Variants in GRM4 observed in about 807,000 individuals in gnomAD.
The protein encoded by GRM4 is glutamate metabotropic receptor 4.
GRM4 carries 28 observed loss-of-function variants against 81.7 expected under a neutral mutation model. The ratio of observed to expected loss-of-function variants is 0.34; its 90% CI spans 0.25 to 0.47. The LOEUF is 0.47. Ranked by LOEUF, GRM4 falls within the 20% of genes least tolerant of loss-of-function variation. GRM4 has a pLI of 1.00. For synonymous variants in GRM4, 488 were observed against 528.8 expected (o/e 0.92, Z 1.06); for missense variants, 948 against 1,290.0 (o/e 0.73, Z 4.06).
At position 34,080,865 on chromosome 6, in the gene GRM4, TAC is replaced by T. The variant is rs746445365; in HGVS notation, c.736+11016_736+11017del. ...ACACACATACACACACACATACACA[TAC>T]ATATACACACACACACACACACAAC... On this transcript the variant is annotated intron_variant, in intron 3 of 10. Coordinates refer to ENST00000538487, the MANE Select transcript of GRM4 (RefSeq NM_000841.4). This position sits in a 1 kb window ranked among gnomAD's most constrained non-coding sequence, Gnocchi z 5.4. Among the ~76,000 whole-genome samples the T allele has an allele frequency of 6.3e-5, 5 of 79,510 alleles. No individual in the cohort carries two copies. Among genetic ancestry groups the T allele is most frequent in the African/African-American group, 3.6e-4 (5 of 13,918 alleles). 52.2% of individuals were successfully genotyped at this position (79,510 alleles called of 152,430 possible).
chr6:34,038,253 C>G (rs1249227093), intron 8 of GRM4, among the ~76,000 whole-genome samples: 1 of 152,242 alleles, frequency 6.6e-6, no homozygotes, highest in Non-Finnish European at 1.5e-5. Flanking sequence ...CCTCTCTGAG[C>G]CTTTGTTTTC....
At position 34,078,431 on chromosome 6, in the gene GRM4, A is replaced by G. The variant is rs1013705662; in HGVS notation, c.736+13452T>C. ...ATGATGACCATTTTACAGATAAGGAAACCAAGCCCCACCAGCCAGAGCCCA... is the reference window on the plus strand; with the variant it reads ...ATGATGACCATTTTACAGATAAGGAGACCAAGCCCCACCAGCCAGAGCCCA... On this transcript the variant is annotated intron_variant, in intron 3 of 10. Coordinates refer to ENST00000538487, the MANE Select transcript of GRM4 (RefSeq NM_000841.4). This position sits in a 1 kb window ranked among gnomAD's most constrained non-coding sequence, Gnocchi z 4.8. 6.6e-6 allele frequency among the ~76,000 whole-genome samples: 1 copy of G among 152,054 alleles called. No homozygotes were observed. The highest frequency in any genetic ancestry group is 2.4e-5 in the African/African-American group (1 of 41,370).
Position 34,111,286 on chromosome 6 carries a change from C to T in GRM4, c.520-19187G>A, listed in dbSNP as rs767536406. 3.9e-5 allele frequency among the ~76,000 whole-genome samples: 6 copies of T among 152,048 alleles called. No individual in the cohort carries two copies. The East Asian group carries it at 7.7e-4, about 20-fold the overall frequency. ...ACACATTCAAGAGCAGCAGCTCACACAGGTGTGCCCACACACATATGAGGA... is the reference window on the plus strand; with the variant it reads ...ACACATTCAAGAGCAGCAGCTCACATAGGTGTGCCCACACACATATGAGGA... On this transcript the variant is annotated intron_variant, in intron 2 of 10. Coordinates refer to ENST00000538487, the MANE Select transcript of GRM4 (RefSeq NM_000841.4). This position sits in a 1 kb window ranked among gnomAD's most constrained non-coding sequence, Gnocchi z 5.1.
At chr6:34,063,784 A>G (rs570146400) in intron 3 of GRM4, 3 of 152,304 alleles carry the variant, frequency 2.0e-5, no homozygotes, top group Admixed American at 2.0e-4. Context: ...TAAACCCTCC[A>G]TATGGTTTCT....
chr6:34,145,735 G>A (rs1482496772), intron 1 of GRM4, among the ~76,000 whole-genome samples: 1 of 152,206 alleles, frequency 6.6e-6, no homozygotes, highest in African/African-American at 2.4e-5. Context: ...TGCTGCACCC[G>A]AGGAGGCACG....
intron 2 of GRM4, among the ~76,000 whole-genome samples, chr6:34,097,709 C>T (rs1478503594): frequency 1.3e-5 from 2 of 152,342 alleles, no homozygotes; most frequent in Non-Finnish European, 2.9e-5. Context: ...TGCTGGAGGG[C>T]AGGGAATGTG....
chr6:34,077,125 G>T (rs1016389231), intron 3 of GRM4, among the ~76,000 whole-genome samples: 8 of 152,114 alleles, frequency 5.3e-5, no homozygotes, highest in African/African-American at 1.9e-4. Flanking sequence ...CAGTGCAAGG[G>T]ACTAGACGCT....
chr6:34,126,748 G>A (rs1770038809), intron 2 of GRM4, among the ~76,000 whole-genome samples: 1 of 152,246 alleles, frequency 6.6e-6, no homozygotes, highest in South Asian at 2.1e-4. Context: ...GGGCTGCAGA[G>A]GTCTCCCTCC....
chr6:34,044,215 T>C (rs548563032), intron 6 of GRM4, among the ~76,000 whole-genome samples: 72 of 130,208 alleles, frequency 5.5e-4, no homozygotes, highest in African/African-American at 2.3e-3. Context: ...TATACATACA[T>C]ACACATATAT....
rs1446516070 is a variant in GRM4 at position 34,114,239 on chromosome 6, C to T, written c.519+18739G>A. Among the ~76,000 whole-genome samples, 1 of 152,218 alleles carries T rather than the reference C, an allele frequency of 6.6e-6. No individual in the cohort carries two copies. The highest frequency in any genetic ancestry group is 1.5e-5 in the Non-Finnish European group (1 of 68,038). ...TTCTTCCCACTCCAGAAGGTCAGCT[C>T]CATGTGGGCAAGGACGGTATGCATT... On this transcript the variant is annotated intron_variant, in intron 2 of 10. Coordinates refer to ENST00000538487, the MANE Select transcript of GRM4 (RefSeq NM_000841.4). The surrounding 1 kb of genome is among the most constrained non-coding windows in gnomAD (Gnocchi z 4.3).
intron 8 of GRM4, among the ~76,000 whole-genome samples, chr6:34,039,464 C>A (rs1297820572): frequency 6.6e-6 from 1 of 152,148 alleles, no homozygotes; most frequent in Non-Finnish European, 1.5e-5. Flanking sequence ...TATGGCTCAC[C>A]CCTTCCCCTT....
intron 1 of GRM4, among the ~76,000 whole-genome samples, chr6:34,139,146 C>G (rs1370303032): frequency 2.0e-5 from 3 of 152,226 alleles, no homozygotes; most frequent in African/African-American, 7.2e-5. Context: ...CTTCCCTTTC[C>G]TTCCCCCGTG....
intron 2 of GRM4, among the ~76,000 whole-genome samples, chr6:34,120,053 C>G (rs184817995): frequency 6.6e-6 from 1 of 152,202 alleles, no homozygotes; most frequent in Non-Finnish European, 1.5e-5. Context: ...CCTTGAAGAC[C>G]GAACCATGGG....
In GRM4 at chr6:34,112,544, G is replaced by T. The variant is rs912615775; in HGVS notation, c.519+20434C>A. Among the ~76,000 whole-genome samples, 5 of 152,250 alleles carry T rather than the reference G, an allele frequency of 3.3e-5. 1 individual carries two copies. The South Asian group carries it at 1.0e-3, about 32-fold the overall frequency. ...TGGGGGGACTCACCAGTTTCTCTGTGGGGGAGAGAAGGGCCTGAGTGTGGA... is the reference window on the plus strand; with the variant it reads ...TGGGGGGACTCACCAGTTTCTCTGTTGGGGAGAGAAGGGCCTGAGTGTGGA... On this transcript the variant is annotated intron_variant, in intron 2 of 10. Coordinates refer to ENST00000538487, the MANE Select transcript of GRM4 (RefSeq NM_000841.4).
intron 1 of GRM4, among the ~76,000 whole-genome samples, chr6:34,140,243 G>A (rs1770624123): frequency 6.6e-6 from 1 of 152,142 alleles, no homozygotes; most frequent in Non-Finnish European, 1.5e-5. Flanking sequence ...CAAGTGCAAA[G>A]GCCCTGAGGT....
chr6:34,052,672 T>C (rs917948018), intron 6 of GRM4, among the ~76,000 whole-genome samples: 9 of 150,090 alleles, frequency 6.0e-5, no homozygotes, highest in African/African-American at 2.2e-4. Context: ...GGAGACAGAG[T>C]GGGGGCAGGT....
At chr6:34,137,200 C>G (rs1262175057) in intron 1 of GRM4, among the ~76,000 whole-genome samples, 1 of 152,238 alleles carries the variant, frequency 6.6e-6, no homozygotes, top group Non-Finnish European at 1.5e-5. Context: ...GCCTCTTCCC[C>G]CTTTCCTTTC....
intron 3 of GRM4, among the ~76,000 whole-genome samples, chr6:34,073,505 C>T (rs1164812706): frequency 6.6e-6 from 1 of 151,896 alleles, no homozygotes; most frequent in Admixed American, 6.6e-5. Flanking sequence ...CACACAAATA[C>T]ACATAACCAC....
At chr6:34,032,712 A>T (rs1399273871) in intron 9 of GRM4, among the ~76,000 whole-genome samples, 1 of 152,094 alleles carries the variant, frequency 6.6e-6, no homozygotes, top group Admixed American at 6.5e-5. Context: ...AGCCTCCTAA[A>T]AAGGCAGGAA....
Sources: gnomAD v4.1 joint callset for allele counts (sites outside exome capture counted in the v4.1 genomes callset) on GRCh38, gnomAD v4.1.1 for gene constraint, Gnocchi (gnomAD v3.1) non-coding constraint, MANE v1.5 for transcripts, NCBI Gene and HGNC (gene_info 2026-07-23, HGNC 2026-07-21) for gene names.